RASAL2: variants seen among roughly 807,000 people sequenced by gnomAD.
RASAL2 encodes RAS protein activator like 2, also known as ras GTPase-activating protein nGAP.
Under a neutral mutation model 128.9 loss-of-function variants are expected in RASAL2, and 58 were observed. That is an observed-to-expected ratio of 0.45 (90% CI 0.36 to 0.56). The LOEUF (loss-of-function observed/expected upper bound fraction) is 0.56, where lower values mean the gene tolerates loss of function less well. Ranked by LOEUF, RASAL2 falls within the 20% of genes least tolerant of loss-of-function variation. RASAL2 has a pLI of 0.00. For synonymous variants in RASAL2, 561 were observed against 580.8 expected, an observed-to-expected ratio of 0.97 and a Z score of 0.49; for missense variants, 1,360 against 1,601.6, an observed-to-expected ratio of 0.85 and a Z score of 2.57.
chr1:178,197,658 C>T (rs1662712189), intron 1 of RASAL2, among the ~76,000 whole-genome samples: 3 of 151,394 alleles, frequency 2.0e-5, no homozygotes, highest in Admixed American at 6.6e-5. Flanking sequence ...GCTTAAGACT[C>T]GGCAATTTTA....
chr1:178,102,747 A>C (rs1658950832), intron 1 of RASAL2, among the ~76,000 whole-genome samples: 1 of 152,182 alleles, frequency 6.6e-6, no homozygotes, highest in Non-Finnish European at 1.5e-5. Context: ...CAAAATTCAG[A>C]GTATAAAAAG....
At chr1:178,215,178 G>A (rs548786652) in intron 1 of RASAL2, among the ~76,000 whole-genome samples, 1 of 152,324 alleles carries the variant, frequency 6.6e-6, no homozygotes, top group African/African-American at 2.4e-5. Flanking sequence ...TGGATTAGGT[G>A]CTCACCAAAT....
chr1:178,442,051 C>T (rs969434309), intron 7 of RASAL2, among the ~76,000 whole-genome samples: 24 of 151,960 alleles, frequency 1.6e-4, no homozygotes, highest in African/African-American at 5.6e-4. Context: ...CACTTTTAAA[C>T]CACCAGATCT....
chr1:178,187,387 TA>T, intron 1 of RASAL2, among the ~76,000 whole-genome samples: 1 of 152,210 alleles, frequency 6.6e-6, no homozygotes, highest in Non-Finnish European at 1.5e-5. Flanking sequence ...TTTGGTCCTT[TA>T]AAAAATATCT....
chr1:178,344,562 G>T (rs1670049416), intron 3 of RASAL2, among the ~76,000 whole-genome samples: 1 of 152,204 alleles, frequency 6.6e-6, no homozygotes, highest in African/African-American at 2.4e-5. Flanking sequence ...ACCTTCAGCA[G>T]TCTCTAAAGA....
At chr1:178,267,142 C>T (rs1245091760) in intron 1 of RASAL2, among the ~76,000 whole-genome samples, 5 of 152,172 alleles carry the variant, frequency 3.3e-5, no homozygotes, top group African/African-American at 1.2e-4. Flanking sequence ...TCAGTCTATC[C>T]ATCCTTTTCT....
chr1:178,390,273 G>T, intron 4 of RASAL2, 67 bp downstream of exon 4: 3 of 1,156,732 alleles, frequency 2.6e-6, no homozygotes, highest in Non-Finnish European at 3.8e-6. Context: ...TAGAGTTAGG[G>T]GCAGCTACTA....
chr1:178,275,994 G>T (rs58720467), intron 1 of RASAL2, among the ~76,000 whole-genome samples: 7,419 of 152,228 alleles, frequency 0.049, 256 homozygotes, highest in African/African-American at 0.1. Context: ...GTAATGTAAG[G>T]ATTAAGACTT....
chr1:178,288,971 A>AG (rs1468105037), intron 2 of RASAL2, among the ~76,000 whole-genome samples: 4 of 152,044 alleles, frequency 2.6e-5, no homozygotes, highest in Non-Finnish European at 5.9e-5. Context: ...TCTGAAAAAA[A>AG]CAAAGCCTGT....
rs1228776956 is a variant in RASAL2 at position 178,478,712 on chromosome 1, C to T, written c.*5473C>T. On this transcript the variant is annotated 3_prime_UTR_variant, in exon 18 of 18. Coordinates refer to ENST00000367649, the MANE Select transcript of RASAL2 (RefSeq NM_170692.4). ...GAGATCCGTATCAGCATTTCATTAC[C>T]TGGGTTTGTTCTAAAGAAGATTTAT... 6.6e-6 allele frequency: 1 copy of T among 152,096 alleles called. No individual in the cohort carries two copies. The highest frequency in any genetic ancestry group is 2.4e-5 in the African/African-American group (1 of 41,398). 9.4% of individuals were successfully genotyped at this position (152,096 alleles called of 1,614,324 possible).
At chr1:178,445,709 T>A in intron 9 of RASAL2, 47 bp downstream of exon 9, 1 of 1,547,382 alleles carries the variant, frequency 6.5e-7, no homozygotes, top group Non-Finnish European at 8.7e-7. Flanking sequence ...CTTTTCAGTT[T>A]TAAGCTATTT....
chr1:178,433,925 A>T (rs1206372129), intron 5 of RASAL2, among the ~76,000 whole-genome samples: 1 of 152,052 alleles, frequency 6.6e-6, no homozygotes, highest in Non-Finnish European at 1.5e-5. Flanking sequence ...CTCAAAAAAA[A>T]AAAAGTCAGT....
At chr1:178,355,307 G>A (rs1036262118) in intron 3 of RASAL2, among the ~76,000 whole-genome samples, 8 of 152,124 alleles carry the variant, frequency 5.3e-5, no homozygotes, top group Non-Finnish European at 1.2e-4. Flanking sequence ...ACAGAATAAA[G>A]AGTCCAAAAA....
At chr1:178,246,488 A>G (rs1431730854) in intron 1 of RASAL2, among the ~76,000 whole-genome samples, 3 of 152,156 alleles carry the variant, frequency 2.0e-5, no homozygotes, top group Non-Finnish European at 4.4e-5. Flanking sequence ...GGGATTTTCT[A>G]AATATACAAT....
In RASAL2 at chr1:178,411,721, C is replaced by T. The variant is rs181573257; in HGVS notation, c.565-8790C>T. 34 of 805,478 alleles carry T rather than the reference C, an allele frequency of 4.2e-5. No individual in the cohort carries two copies. The East Asian group carries it at 5.6e-4, about 13-fold the overall frequency. The allele number at this position is 805,478 out of a possible 1,614,324, so 49.9% of individuals were successfully genotyped here. On this transcript the variant is annotated intron_variant, in intron 4 of 17. Coordinates refer to ENST00000367649, the MANE Select transcript of RASAL2 (RefSeq NM_170692.4). ...TCTTTCTGGCAAAGAAACCATCTGC[C>T]GTGTGACTGGTGGGATGAAGGTGAA...
chr1:178,284,975 TCCTC>T (rs1490773039), intron 2 of RASAL2, among the ~76,000 whole-genome samples: 1 of 152,016 alleles, frequency 6.6e-6, no homozygotes, highest in East Asian at 1.9e-4. Context: ...CTTCTCTTGC[TCCTC>T]CTTCCTTCCC....
chr1:178,156,582 G>C (rs555445343), intron 1 of RASAL2, among the ~76,000 whole-genome samples: 3 of 152,248 alleles, frequency 2.0e-5, no homozygotes, highest in Admixed American at 6.5e-5. Flanking sequence ...AAATACACGT[G>C]AAAGTGTATA....
rs145420096 is a variant in RASAL2 at position 178,211,959 on chromosome 1, C to T, written c.203-71605C>T. ...CATGAATTTGATAATACAATAAATG[C>T]TTTAAAAAATGTCAGTTGAGGTCCC... On this transcript the variant is annotated intron_variant, in intron 1 of 17. Transcript: ENST00000367649. 7.6e-3 allele frequency among the ~76,000 whole-genome samples: 1,162 copies of T among 152,296 alleles called. 6 individuals are homozygous for T. Among genetic ancestry groups the T allele is most frequent in the Middle Eastern group, 0.017 (5 of 294 alleles).
At chr1:178,360,171 C>G (rs1467665080) in intron 3 of RASAL2, among the ~76,000 whole-genome samples, 1 of 152,110 alleles carries the variant, frequency 6.6e-6, no homozygotes, top group Admixed American at 6.6e-5. Context: ...CACCCCCAAC[C>G]CCACCATGGA....
Sources: allele counts gnomAD v4.1 joint callset (sites outside exome capture counted in the v4.1 genomes callset), GRCh38; gene constraint gnomAD v4.1.1; transcripts MANE v1.5; gene names NCBI Gene and HGNC (gene_info 2026-07-23, HGNC 2026-07-21).